Variants in NELL2 observed in about 807,000 individuals in gnomAD.
NELL2 encodes neural EGFL like 2, also known as protein kinase C-binding protein NELL2.
A neutral mutation model predicts 109.6 loss-of-function variants in NELL2; 41 were observed. The ratio of observed to expected loss-of-function variants is 0.37; its 90% CI spans 0.29 to 0.49. The LOEUF is 0.49. Ranked by LOEUF, NELL2 falls within the 20% of genes least tolerant of loss-of-function variation. The probability of loss-of-function intolerance (pLI) is 0.98; values close to 1 mark genes in which losing one functional copy is unlikely to be tolerated. For missense variants in NELL2, 900 were observed against 1,008.3 expected (o/e 0.89, Z 1.45); for synonymous variants, 355 against 344.7 (o/e 1.03, Z -0.33).
intron 17 of NELL2, chr12:44,523,015 G>A: frequency 2.2e-6 from 1 of 445,436 alleles, no homozygotes; most frequent in Non-Finnish European, 4.1e-6. Context: ...ACACAATATA[G>A]TATATACTAT....
chr12:44,619,838 A>G (rs17094892), intron 13 of NELL2, among the ~76,000 whole-genome samples: 15,913 of 152,162 alleles, frequency 0.1, 954 homozygotes, highest in African/African-American at 0.14. Flanking sequence ...GGCAGGAACC[A>G]TGTCTCATTC....
intron 15 of NELL2, among the ~76,000 whole-genome samples, chr12:44,572,617 ATC>A (rs10572193): frequency 0.32 from 49,095 of 151,962 alleles, 9,675 homozygotes; most frequent in East Asian, 0.63. Flanking sequence ...TTGATTTTGA[ATC>A]TGTTTGTATA....
chr12:44,641,872 A>G (rs1946871573), intron 13 of NELL2, among the ~76,000 whole-genome samples: 1 of 151,562 alleles, frequency 6.6e-6, no homozygotes, highest in African/African-American at 2.4e-5. Context: ...AACGTTTTGC[A>G]TGTTAGTAGA....
intron 13 of NELL2, among the ~76,000 whole-genome samples, chr12:44,654,651 C>T (rs1947428633): frequency 6.6e-6 from 1 of 152,132 alleles, no homozygotes; most frequent in Non-Finnish European, 1.5e-5. Context: ...GTGGCTGTGT[C>T]TCACCCCAAC....
At chr12:44,757,017 T>C (rs553445464) in intron 9 of NELL2, among the ~76,000 whole-genome samples, 1 of 152,280 alleles carries the variant, frequency 6.6e-6, no homozygotes, top group Admixed American at 6.5e-5. Flanking sequence ...TGGCCAAAAG[T>C]GAACTCAAAA....
intron 1 of NELL2, among the ~76,000 whole-genome samples, chr12:44,893,175 T>G (rs1945555260): frequency 6.6e-6 from 1 of 152,114 alleles, no homozygotes. Flanking sequence ...GGATCCTCAC[T>G]TGCCTCTTCC....
At chr12:44,622,916 T>A (rs1946110482) in intron 13 of NELL2, among the ~76,000 whole-genome samples, 1 of 152,146 alleles carries the variant, frequency 6.6e-6, no homozygotes. Flanking sequence ...TTACATACAT[T>A]GTTCTTGATA....
intron 3 of NELL2, among the ~76,000 whole-genome samples, chr12:44,805,845 C>A (rs1443730765): frequency 6.6e-6 from 1 of 151,642 alleles, no homozygotes; most frequent in Non-Finnish European, 1.5e-5. Flanking sequence ...CTCCAACACC[C>A]AAAGGAGAAT....
At chr12:44,520,520 C>A (rs951305174) in intron 18 of NELL2, among the ~76,000 whole-genome samples, 4 of 152,082 alleles carry the variant, frequency 2.6e-5, no homozygotes, top group African/African-American at 4.8e-5. Context: ...AATGTGCATG[C>A]CCCTATCTTT....
chr12:44,538,460 G>C (rs1942391557), intron 15 of NELL2, among the ~76,000 whole-genome samples: 1 of 152,290 alleles, frequency 6.6e-6, no homozygotes, highest in South Asian at 2.1e-4. Context: ...TTCATCATTT[G>C]ATTACACAGA....
chr12:44,599,939 G>A (rs1041424611), intron 15 of NELL2, among the ~76,000 whole-genome samples: 5 of 148,490 alleles, frequency 3.4e-5, no homozygotes, highest in Admixed American at 1.4e-4. Context: ...TTCATAGTGC[G>A]TAGGGAAAAC....
chr12:44,537,494 CA>C (rs2139021911), intron 15 of NELL2, among the ~76,000 whole-genome samples: 1 of 152,124 alleles, frequency 6.6e-6, no homozygotes, highest in South Asian at 2.1e-4. Flanking sequence ...TAATGACAGT[CA>C]CATAGAGTAC....
At chr12:44,811,307 C>T (rs1429122265) in intron 3 of NELL2, among the ~76,000 whole-genome samples, 3 of 128,960 alleles carry the variant, frequency 2.3e-5, no homozygotes, top group Admixed American at 9.1e-5. Context: ...CAAACCTACA[C>T]GTTCTGCACA....
At chr12:44,687,913 A>G (rs986479398) in intron 12 of NELL2, among the ~76,000 whole-genome samples, 1 of 152,208 alleles carries the variant, frequency 6.6e-6, no homozygotes, top group Non-Finnish European at 1.5e-5. Context: ...TTCTGTAATG[A>G]AAAATGATAA....
At chr12:44,776,489 A>G (rs958852726) in intron 7 of NELL2, among the ~76,000 whole-genome samples, 2 of 152,188 alleles carry the variant, frequency 1.3e-5, no homozygotes, top group African/African-American at 4.8e-5. Flanking sequence ...TTCTTCAAGT[A>G]AAAAAATAAA....
chr12:44,678,054 G>A (rs1948375607), intron 12 of NELL2, among the ~76,000 whole-genome samples: 1 of 152,064 alleles, frequency 6.6e-6, no homozygotes, highest in Non-Finnish European at 1.5e-5. Flanking sequence ...GTATCACACA[G>A]GTAGAGGATG....
intron 15 of NELL2, among the ~76,000 whole-genome samples, chr12:44,598,755 T>C (rs992815995): frequency 3.3e-5 from 5 of 151,962 alleles, no homozygotes; most frequent in Non-Finnish European, 5.9e-5. Context: ...GGCCAAGTGA[T>C]TGACAACAGA....
chr12:44,786,821 A>G (rs887154225), intron 3 of NELL2, among the ~76,000 whole-genome samples: 2 of 152,198 alleles, frequency 1.3e-5, no homozygotes, highest in African/African-American at 4.8e-5. Context: ...GTGGGAGTTG[A>G]ACAATGAGAA....
chr12:44,509,015 G>T, intron 19 of NELL2, 31 bp from the exon 20 acceptor site: 2 of 1,588,098 alleles, frequency 1.3e-6, no homozygotes, highest in Non-Finnish European at 1.7e-6. Flanking sequence ...AAGAAAAACA[G>T]TATGAATTTT....
Sources: gnomAD v4.1 joint callset for allele counts (sites outside exome capture counted in the v4.1 genomes callset) on GRCh38, gnomAD v4.1.1 for gene constraint, MANE v1.5 for transcripts, NCBI Gene and HGNC (gene_info 2026-07-23, HGNC 2026-07-21) for gene names.